The following ZBTB40 variants were observed in gnomAD, a reference collection of about 807,000 sequenced individuals.
The protein encoded by ZBTB40 is zinc finger and BTB domain containing 40, also known as zinc finger and BTB domain-containing protein 40.
A neutral mutation model predicts 117.5 loss-of-function variants in ZBTB40; 60 were observed. The observed-to-expected ratio is 0.51, with a 90% CI of 0.41 to 0.63. ZBTB40 has a LOEUF of 0.63. ZBTB40 is among the 30% of genes least tolerant of loss of function. The probability of loss-of-function intolerance (pLI) is 0.00; values close to 1 mark genes in which losing one functional copy is unlikely to be tolerated. For missense variants in ZBTB40, 1,287 were observed against 1,498.5 expected (o/e 0.86, Z 2.33); for synonymous variants, 525 against 577.1 (o/e 0.91, Z 1.29).
At chr1:22,429,692 A>G (rs1249179909) in intron 1 of ZBTB40, among the ~76,000 whole-genome samples, 1 of 151,826 alleles carries the variant, frequency 6.6e-6, no homozygotes, top group African/African-American at 2.4e-5. Context: ...TTTTTTTTCC[A>G]TTAAGTGTGA....
At position 22,490,648 on chromosome 1, in the gene ZBTB40, AAC is replaced by A. The variant is rs745639184; in HGVS notation, c.697+5_697+6del. On this transcript the variant is annotated splice_donor_5th_base_variant and intron_variant, in intron 2 of 17. Transcript: ENST00000375647. ...AAAGAAGACAAGCACAGAACCAGGT[AAC>A]AGTCATTGTTTTATATTCCATCCTT... The A allele has an allele frequency of 6.2e-7, 1 of 1,612,678 alleles. No individual in the cohort carries two copies. The highest frequency in any genetic ancestry group is 1.1e-5 in the South Asian group (1 of 91,074).
At chr1:22,480,204 C>G (rs1638252045) in intron 1 of ZBTB40, among the ~76,000 whole-genome samples, 1 of 152,110 alleles carries the variant, frequency 6.6e-6, no homozygotes, top group South Asian at 2.1e-4. Flanking sequence ...CTGCGCCCAG[C>G]CAGGAATTTC....
upstream of ZBTB40, among the ~76,000 whole-genome samples, chr1:22,447,359 C>G (rs1640801456): frequency 6.6e-6 from 1 of 152,084 alleles, no homozygotes; most frequent in African/African-American, 2.4e-5. Context: ...GGCTGTGGAC[C>G]TGGACAGAGT....
intron 17 of ZBTB40, among the ~76,000 whole-genome samples, chr1:22,525,948 A>G (rs375598528): frequency 1.3e-4 from 20 of 152,328 alleles, no homozygotes; most frequent in African/African-American, 4.8e-4. Flanking sequence ...GTATAATCAT[A>G]GAGTCCGGGC....
In ZBTB40 at chr1:22,513,121, C is replaced by A; in HGVS notation, c.2659C>A (p.His887Asn). ...CCTGGCCTATCACACCAAGAAGAAG[C>A]ACTCAGAAGGTAAGGCGGGGCACAG... ...SALAYHTKKK[H>N]SEGKMYACQY... The change falls in exon 12 of 18, where the codon CAC (histidine) becomes AAC (asparagine). Residue 887 changes from histidine to asparagine, a missense_variant. By Grantham distance (68) the His-to-Asn change is moderately conservative. Coordinates refer to ENST00000375647, the MANE Select transcript of ZBTB40 (RefSeq NM_014870.4). This position sits in a 1 kb window ranked among gnomAD's most constrained non-coding sequence, Gnocchi z 4.9. 2 of 1,613,966 alleles carry A rather than the reference C, an allele frequency of 1.2e-6. No homozygotes were observed. Among genetic ancestry groups the A allele is most frequent in the Non-Finnish European group, 1.7e-6 (2 of 1,179,944 alleles).
chr1:22,507,005 A>G (rs1015054345), intron 6 of ZBTB40, among the ~76,000 whole-genome samples: 3 of 152,206 alleles, frequency 2.0e-5, no homozygotes, highest in Admixed American at 6.5e-5. Context: ...CAGTTCAGAA[A>G]AACTCCCCAC....
chr1:22,513,145 A>G lies in ZBTB40; in HGVS notation c.2668+15A>G, dbSNP rs1639287050. 2.5e-6 allele frequency: 4 copies of G among 1,612,010 alleles called. No homozygotes were observed. The South Asian group carries it at 3.3e-5, about 13-fold the overall frequency. ...GCACTCAGAAGGTAAGGCGGGGCACAGTTCATTTCTCCTGCAGACTTTCAC... is the reference window on the plus strand; with the variant it reads ...GCACTCAGAAGGTAAGGCGGGGCACGGTTCATTTCTCCTGCAGACTTTCAC... On this transcript the variant is annotated intron_variant, in intron 12 of 17. Coordinates refer to ENST00000375647, the MANE Select transcript of ZBTB40 (RefSeq NM_014870.4). This position sits in a 1 kb window ranked among gnomAD's most constrained non-coding sequence, Gnocchi z 4.9.
intron 1 of ZBTB40, among the ~76,000 whole-genome samples, chr1:22,458,582 CT>C (rs1641057958): frequency 6.6e-6 from 1 of 152,160 alleles, no homozygotes; most frequent in South Asian, 2.1e-4. Flanking sequence ...TCTGTTATTC[CT>C]TTTTTCCTTA....
In ZBTB40 at chr1:22,529,881, A is replaced by C. The variant is rs1334416493; in HGVS notation, c.*3485A>C. 1.3e-5 allele frequency: 2 copies of C among 152,136 alleles called. No individual in the cohort carries two copies. The highest frequency in any genetic ancestry group is 2.9e-5 in the Non-Finnish European group (2 of 68,030). The allele number at this position is 152,136 out of a possible 1,614,324, so 9.4% of individuals were successfully genotyped here. ...TGAAAAGAAATCCAGTCAGACAGAC[A>C]GTGGGGAGACAGGTCCCTGCCCTTT... On this transcript the variant is annotated 3_prime_UTR_variant, in exon 18 of 18. Coordinates refer to ENST00000375647, the MANE Select transcript of ZBTB40 (RefSeq NM_014870.4).
At chr1:22,485,311 C>G (rs1638435790) in intron 1 of ZBTB40, among the ~76,000 whole-genome samples, 1 of 152,090 alleles carries the variant, frequency 6.6e-6, no homozygotes, top group Non-Finnish European at 1.5e-5. Context: ...TGTTGATTCA[C>G]CTACTTTAAT....
At chr1:22,476,175 TTTTC>T (rs2124411220) in intron 1 of ZBTB40, among the ~76,000 whole-genome samples, 1 of 152,226 alleles carries the variant, frequency 6.6e-6, no homozygotes, top group South Asian at 2.1e-4. Flanking sequence ...CACTTGTACT[TTTTC>T]TGGTTTTTCT....
chr1:22,511,270 A>T lies in ZBTB40; in HGVS notation c.1925A>T (p.Glu642Val), dbSNP rs202116268. 6.2e-7 allele frequency: 1 copy of T among 1,614,052 alleles called. No individual in the cohort carries two copies. The highest frequency in any genetic ancestry group is 1.7e-5 in the Admixed American group (1 of 60,002). Residue 642 changes from glutamate (E) to valine (V), a missense_variant, in exon 10 of 18, where the codon GAA (glutamate) becomes GTA (valine). This residue lies in a region of ZBTB40 where 870 missense variants were observed against 934.4 expected (regional missense o/e 0.93). Transcript: ENST00000375647. ...RAMEKSVPAIEICHLLCSVHK... is the reference protein window; with the variant it reads ...RAMEKSVPAIVICHLLCSVHK... ...ATGGAAAAATCAGTCCCGGCCATTG[A>T]AATATGCCACCTCCTGTGCAGTGTC... is the stretch of plus-strand genomic sequence containing the variant.
rs548581398 is a variant in ZBTB40 at position 22,496,108 on chromosome 1, A to G, written c.831+4575A>G. On this transcript the variant is annotated intron_variant, in intron 3 of 17. Transcript: ENST00000375647. ...ATGGAGCTAACAAGACCTGCATACA[A>G]TGAGACACAGTGGATGATTTTGTGA... 3.6e-4 allele frequency among the ~76,000 whole-genome samples: 55 copies of G among 152,330 alleles called. 2 individuals are homozygous for G. In the South Asian group the frequency reaches 8.3e-3, roughly 23 times the overall value.
At chr1:22,520,466 G>T (rs1404087457) in intron 14 of ZBTB40, among the ~76,000 whole-genome samples, 191 bp downstream of exon 14, 2 of 152,188 alleles carry the variant, frequency 1.3e-5, no homozygotes, top group Non-Finnish European at 2.9e-5. Context: ...GTGCTGCAGT[G>T]GGGGAGCTCA....
rs189873726 is a variant in ZBTB40, at chr1:22,455,492, C to T, written c.-70+3488C>T. On this transcript the variant is annotated intron_variant, in intron 1 of 17. Transcript: ENST00000375647. ...TGTCATCAGAAGACACATTCTAACC[C>T]TGCAAACGGAGCAAAGAACTGGACA... Among the ~76,000 whole-genome samples, 4 of 152,304 alleles carry T rather than the reference C, an allele frequency of 2.6e-5. No individual in the cohort carries two copies. The East Asian group carries it at 7.7e-4, about 29-fold the overall frequency.
At chr1:22,524,467 C>T (rs371188381) in intron 17 of ZBTB40, 23 bp downstream of exon 17, 39 of 1,608,684 alleles carry the variant, frequency 2.4e-5, no homozygotes, top group Non-Finnish European at 3.1e-5. Context: ...CCATCAGCTA[C>T]ATTAGAATGC....
At chr1:22,493,763 A>G (rs950853465) in intron 3 of ZBTB40, among the ~76,000 whole-genome samples, 5 of 146,518 alleles carry the variant, frequency 3.4e-5, no homozygotes, top group Middle Eastern at 3.6e-3. Flanking sequence ...TCTGGCTTTC[A>G]TTGAGCGTAA....
Position 22,508,713 on chromosome 1 carries a change from G to C in ZBTB40, c.1681G>C (p.Asp561His). 1.2e-6 allele frequency: 2 copies of C among 1,613,846 alleles called. No individual in the cohort carries two copies. The highest frequency in any genetic ancestry group is 1.7e-6 in the Non-Finnish European group (2 of 1,180,022). The change falls in exon 8 of 18, where the codon GAT becomes CAT. Residue 561 changes from aspartate (D) to histidine (H), a missense_variant. By Grantham distance (81) the Asp-to-His change is moderately conservative (BLOSUM62 -1). Coordinates refer to ENST00000375647, the MANE Select transcript of ZBTB40 (RefSeq NM_014870.4). ...MEEIRREPGA[D>H]AFFRAVTTPE... The stretch of plus-strand genomic sequence containing the variant: ...GGAAATACGAAGGGAGCCTGGTGCC[G>C]ATGCTTTCTTCCGGGCAGGTAAGTT...
chr1:22,466,210 A>G (rs1371756166), intron 1 of ZBTB40, among the ~76,000 whole-genome samples: 1 of 152,266 alleles, frequency 6.6e-6, no homozygotes, highest in Admixed American at 6.5e-5. Context: ...TGTAGAATGT[A>G]TCAGTACCTC....
Sources: gnomAD v4.1 joint callset for allele counts (sites outside exome capture counted in the v4.1 genomes callset) on GRCh38, gnomAD v4.1.1 for gene constraint, gnomAD v4.1.1 regional missense constraint, Gnocchi (gnomAD v3.1) non-coding constraint, MANE v1.5 for transcripts, NCBI Gene and HGNC (gene_info 2026-07-23, HGNC 2026-07-21) for gene names.